The following PIK3CD variants were observed in gnomAD, a reference collection of about 807,000 sequenced individuals.
PIK3CD encodes the protein phosphatidylinositol-4,5-bisphosphate 3-kinase catalytic subunit delta, also known as phosphatidylinositol 4,5-bisphosphate 3-kinase catalytic subunit delta isoform.
A neutral mutation model predicts 122.9 loss-of-function variants in PIK3CD; 20 were observed. That is an observed-to-expected ratio of 0.16 (90% confidence interval 0.11 to 0.24). PIK3CD has a LOEUF of 0.24. Ranked by LOEUF, PIK3CD falls within the 10% of genes least tolerant of loss-of-function variation. The probability of loss-of-function intolerance (pLI) is 1.00; values close to 1 mark genes in which losing one functional copy is unlikely to be tolerated. For missense variants in PIK3CD, 787 were observed against 1,406.3 expected (o/e 0.56, Z 7.04); for synonymous variants, 596 against 593.4 (o/e 1.00, Z -0.06).
the PIK3CD span, among the ~76,000 whole-genome samples, chr1:9,641,771 C>T: frequency 3.9e-5 from 6 of 152,188 alleles, no homozygotes; most frequent in Non-Finnish European, 8.8e-5. Flanking sequence ...CAGAGACTCC[C>T]AGCTCCTTTT....
chr1:9,673,727 T>C (rs1233794507), intron 1 of PIK3CD, among the ~76,000 whole-genome samples: 2 of 152,202 alleles, frequency 1.3e-5, no homozygotes, highest in African/African-American at 4.8e-5. Flanking sequence ...TAATAATTCC[T>C]GCTGAGATTT....
rs368254833 is a variant in PIK3CD at position 9,653,964 on chromosome 1, G to C, written c.-138+2162G>C. The stretch of plus-strand genomic sequence containing the variant: ...CTCATACCTGTCATCCCAGTGCTTT[G>C]GGAGGCCCAGACGGGAGGATCACTT... On this transcript the variant is annotated intron_variant, in intron 1 of 23. Coordinates refer to ENST00000377346, the MANE Select transcript of PIK3CD (RefSeq NM_005026.5). 7.1e-5 allele frequency: 96 copies of C among 1,351,500 alleles called. No homozygotes were observed. In the African/African-American group the frequency reaches 1.2e-3, roughly 17 times the overall value. 83.7% of individuals were successfully genotyped at this position (1,351,500 alleles called of 1,614,324 possible).
intron 2 of PIK3CD, among the ~76,000 whole-genome samples, chr1:9,701,491 G>A (rs1397248144): frequency 2.0e-5 from 3 of 152,040 alleles, no homozygotes; most frequent in Admixed American, 1.3e-4. Context: ...GGCCAACATG[G>A]CAAAACCCTG....
chr1:9,653,996 A>G (rs1229511051), intron 1 of PIK3CD: 4 of 1,319,888 alleles, frequency 3.0e-6, no homozygotes, highest in Non-Finnish European at 4.0e-6. Flanking sequence ...ACTTGAAGCC[A>G]GGAGTTCAAG....
At chr1:9,659,291 C>T (rs745320477) in intron 1 of PIK3CD, among the ~76,000 whole-genome samples, 7 of 152,066 alleles carry the variant, frequency 4.6e-5, no homozygotes, top group Non-Finnish European at 8.8e-5. Context: ...CAAACCTGCA[C>T]GTCCTGCACA....
rs943430133 is a variant in PIK3CD at position 9,718,413 on chromosome 1, A to G, written c.1021-281A>G. 1.3e-5 allele frequency among the ~76,000 whole-genome samples: 2 copies of G among 152,066 alleles called. No homozygotes were observed. Among genetic ancestry groups the G allele is most frequent in the Non-Finnish European group, 2.9e-5 (2 of 67,994 alleles). On this transcript the variant is annotated intron_variant, in intron 8 of 23. Transcript: ENST00000377346. This position sits in a 1 kb window ranked among gnomAD's most constrained non-coding sequence, Gnocchi z 7.2. ...GGGTCCCTGAAGTTCTTGATCCCTG[A>G]TGGGGAAACTGAGGCCTGGAGTGGG...
upstream of PIK3CD, among the ~76,000 whole-genome samples, chr1:9,648,660 G>A (rs1644629322): frequency 6.7e-6 from 1 of 149,052 alleles, no homozygotes; most frequent in Non-Finnish European, 1.5e-5. Context: ...AAGAGGCTGT[G>A]AGCCTCAGAC....
intron 2 of PIK3CD, among the ~76,000 whole-genome samples, chr1:9,705,420 C>T (rs1646795331): frequency 6.6e-6 from 1 of 151,590 alleles, no homozygotes; most frequent in African/African-American, 2.4e-5. Context: ...ATCACCTGAG[C>T]CTGGGAGGTT....
At chr1:9,693,310 C>T (rs183563017) in intron 2 of PIK3CD, among the ~76,000 whole-genome samples, 111 of 152,252 alleles carry the variant, frequency 7.3e-4, no homozygotes, top group Admixed American at 1.4e-3. Flanking sequence ...CTGCCACCTC[C>T]GCCTCCCGGG....
Position 9,720,993 on chromosome 1 carries a change from CCACCCTCACCCTGGCCAACCTT to C in PIK3CD, c.1689+91_1690-106del. On this transcript the variant is annotated intron_variant, in intron 13 of 23. Transcript: ENST00000377346. This position sits in a 1 kb window ranked among gnomAD's most constrained non-coding sequence, Gnocchi z 9.0. ...CCACCACCCTGACCCCGGCCAACCC[CCACCCTCACCCTGGCCAACCTT>C]CACCCTGACCCTGGCCACCCACCAC... 6.8e-7 allele frequency: 1 copy of C among 1,471,396 alleles called. No homozygotes were observed. The highest frequency in any genetic ancestry group is 2.0e-5 in the Admixed American group (1 of 50,918). 91.1% of individuals were successfully genotyped at this position (1,471,396 alleles called of 1,614,324 possible). A position where few individuals can be genotyped will look rare whatever the true frequency, so the allele number is the denominator to read the frequency against.
At chr1:9,677,708 C>G (rs2101083727) in intron 1 of PIK3CD, among the ~76,000 whole-genome samples, 1 of 151,452 alleles carries the variant, frequency 6.6e-6, no homozygotes, top group Admixed American at 6.6e-5. Flanking sequence ...CCGTGATCTT[C>G]CAGATCGTGC....
chr1:9,641,026 T>G, the PIK3CD span, among the ~76,000 whole-genome samples: 5 of 152,136 alleles, frequency 3.3e-5, no homozygotes, highest in African/African-American at 9.7e-5. Context: ...AGTTCTGTAG[T>G]CCCCCTTCCC....
intron 1 of PIK3CD, among the ~76,000 whole-genome samples, chr1:9,673,496 A>G (rs1338205840): frequency 6.6e-6 from 1 of 152,138 alleles, no homozygotes; most frequent in East Asian, 1.9e-4. Context: ...CCTGACTTCA[A>G]GTGATCCACC....
intron 1 of PIK3CD, among the ~76,000 whole-genome samples, chr1:9,666,960 G>A (rs906754387): frequency 1.3e-5 from 2 of 151,996 alleles, no homozygotes; most frequent in African/African-American, 4.8e-5. Context: ...CTGCCTCCTG[G>A]GTTCTAGTGA....
chr1:9,669,094 A>C (rs1268426651), intron 1 of PIK3CD, among the ~76,000 whole-genome samples: 2 of 152,190 alleles, frequency 1.3e-5, no homozygotes, highest in Admixed American at 1.3e-4. Context: ...TTCAGGGGAC[A>C]GAATCTGGGG....
Position 9,718,238 on chromosome 1 carries a change from G to C in PIK3CD, c.1021-456G>C. The C allele has an allele frequency of 2.1e-6, 1 of 468,884 alleles. No individual in the cohort carries two copies. The highest frequency in any genetic ancestry group is 4.2e-6 in the Non-Finnish European group (1 of 236,276). The allele number at this position is 468,884 out of a possible 1,614,324, so 29.0% of individuals were successfully genotyped here. On this transcript the variant is annotated intron_variant, in intron 8 of 23. Transcript: ENST00000377346. This position sits in a 1 kb window ranked among gnomAD's most constrained non-coding sequence, Gnocchi z 7.2. ...GGTCTGGGTTCCACTGGCAGGAATC[G>C]AGGGGGACTGGATCAGAGGGACTTC...
In PIK3CD at chr1:9,717,435, G is replaced by T; in HGVS notation, c.931-102G>T. The T allele has an allele frequency of 8.6e-7, 1 of 1,161,142 alleles. No individual in the cohort carries two copies. The allele number at this position is 1,161,142 out of a possible 1,614,324, so 71.9% of individuals were successfully genotyped here. ...GGCCCAAACCTGGCCGCAAACCTGT[G>T]ACCCTCTCACCCGCCCCCAAGTGGT... On this transcript the variant is annotated intron_variant, in intron 7 of 23. Coordinates refer to ENST00000377346, the MANE Select transcript of PIK3CD (RefSeq NM_005026.5). The surrounding 1 kb of genome is among the most constrained non-coding windows in gnomAD (Gnocchi z 5.4).
At chr1:9,716,677 G>T (rs1647515107) in intron 6 of PIK3CD, 58 bp downstream of exon 6, 3 of 1,510,946 alleles carry the variant, frequency 2.0e-6, no homozygotes, top group Non-Finnish European at 2.7e-6. Context: ...TAGGGCCTGG[G>T]TGGGAGTCGG....
rs1647015617 is a variant in PIK3CD, at chr1:9,710,695, GGACAGACGGACA to G, written c.141+106_141+117del. ...CAGACAGACAGACAGATGGACAGGT[GGACAGACGGACA>G]GACAGATGGACAGATGCACTGCTTT... On this transcript the variant is annotated intron_variant, in intron 3 of 23. Transcript: ENST00000377346. This position sits in a 1 kb window ranked among gnomAD's most constrained non-coding sequence, Gnocchi z 4.7. 1 of 1,259,848 alleles carries G rather than the reference GGACAGACGGACA, an allele frequency of 7.9e-7. No individual in the cohort carries two copies. The highest frequency in any genetic ancestry group is 1.2e-6 in the Non-Finnish European group (1 of 865,182). 78.0% of individuals were successfully genotyped at this position (1,259,848 alleles called of 1,614,324 possible). A position where few individuals can be genotyped will look rare whatever the true frequency, so the allele number is the denominator to read the frequency against.
Sources: allele counts gnomAD v4.1 joint callset (sites outside exome capture counted in the v4.1 genomes callset), GRCh38; gene constraint gnomAD v4.1.1; non-coding constraint Gnocchi (gnomAD v3.1); transcripts MANE v1.5; gene names NCBI Gene and HGNC (gene_info 2026-07-23, HGNC 2026-07-21).